Variants in ZNF335 observed in about 807,000 individuals in gnomAD.
ZNF335 encodes NRC-interacting factor 1.
A neutral mutation model predicts 145.6 loss-of-function variants in ZNF335; 84 were observed. The observed-to-expected ratio is 0.58, with a 90% CI of 0.48 to 0.69. The LOEUF (loss-of-function observed/expected upper bound fraction) is 0.69, where lower values mean the gene tolerates loss of function less well. Ranked by LOEUF, ZNF335 falls within the 30% of genes least tolerant of loss-of-function variation. ZNF335 has a pLI of 0.00. For synonymous variants in ZNF335, 761 were observed against 717.0 expected, an observed-to-expected ratio of 1.06 and a Z score of -0.98; for missense variants, 1,865 against 1,809.7, an observed-to-expected ratio of 1.03 and a Z score of -0.55.
Position 45,950,492 on chromosome 20 carries a change from G to C in ZNF335, c.3293C>G (p.Thr1098Arg). 1 of 1,614,232 alleles carries C rather than the reference G, an allele frequency of 6.2e-7. No homozygotes were observed. Residue 1098 changes from threonine (T) to arginine (R), a missense_variant, in exon 21 of 28, where the codon ACA (threonine) becomes AGA (arginine). Transcript: ENST00000322927. ...GTGGCATGCAAAAGGCTTCTCCTTT[G>C]TGTGAGTCAGCATGTGCCGACGCAG... is the stretch of plus-strand genomic sequence containing the variant. Reference protein sequence around the residue: ...KDLRRHMLTHTKEKPFACHLC... With the variant: ...KDLRRHMLTHRKEKPFACHLC...
At chr20:45,969,734 G>T in intron 2 of ZNF335, 43 bp from the exon 3 acceptor site, 1 of 1,599,016 alleles carries the variant, frequency 6.3e-7, no homozygotes, top group Non-Finnish European at 8.5e-7. Context: ...TAGCAGCTGG[G>T]TATGGGGCAG....
intron 20 of ZNF335, among the ~76,000 whole-genome samples, chr20:45,951,541 C>T (rs1256925940): frequency 6.6e-6 from 1 of 152,230 alleles, no homozygotes; most frequent in African/African-American, 2.4e-5. Flanking sequence ...GAAGTTGTTG[C>T]ACCTCAGTTC....
chr20:45,955,801 C>T (rs1366896872), intron 17 of ZNF335, among the ~76,000 whole-genome samples: 1 of 138,660 alleles, frequency 7.2e-6, no homozygotes, highest in East Asian at 2.1e-4. Flanking sequence ...GCCTGGGTGA[C>T]AAAATGAGAC....
chr20:45,954,608 TAA>T (rs904975244), intron 17 of ZNF335, among the ~76,000 whole-genome samples: 2 of 151,966 alleles, frequency 1.3e-5, no homozygotes, highest in Non-Finnish European at 2.9e-5. Flanking sequence ...TCACAACTCA[TAA>T]AAAGTGGACT....
At position 45,960,301 on chromosome 20, in the gene ZNF335, G is replaced by A. The variant is rs757747644; in HGVS notation, c.1927C>T (p.His643Tyr). 7 of 1,614,068 alleles carry A rather than the reference G, an allele frequency of 4.3e-6. No individual in the cohort carries two copies. Among genetic ancestry groups the A allele is most frequent in the Admixed American group, 3.3e-5 (2 of 60,008 alleles). ...CATTTGAAGGGCTTGTCACTGACGT[G>A]GGACAACTGGTGGTTCAGCAGTGCC... ...KKALLNHQLS[H>Y]VSDKPFKCSF... Residue 643 changes from histidine (H) to tyrosine (Y), a missense_variant, in exon 14 of 28, where the codon CAC (histidine) becomes TAC (tyrosine). His to Tyr is a moderately conservative substitution (Grantham distance 83). Transcript: ENST00000322927.
Position 45,963,900 on chromosome 20 carries a change from C to T in ZNF335, c.1193G>A (p.Gly398Glu), listed in dbSNP as rs554438776. Residue 398 changes from glycine to glutamate, a missense_variant, in exon 8 of 28, where the codon GGA (glycine) becomes GAA (glutamate). Physicochemically the swap from Gly to Glu is moderately conservative, Grantham distance 98 (BLOSUM62 -2). Coordinates refer to ENST00000322927, the MANE Select transcript of ZNF335 (RefSeq NM_022095.4). ...DPEAPSSSGPGHLVAMGKVSR... is the reference protein window; with the variant it reads ...DPEAPSSSGPEHLVAMGKVSR... The stretch of plus-strand genomic sequence containing the variant: ...CACCTTGCCCATGGCCACCAGGTGT[C>T]CTGGGCCTGAGGAGCTGGGAGCCTC... 3 of 1,596,380 alleles carry T rather than the reference C, an allele frequency of 1.9e-6. No homozygotes were observed. Among genetic ancestry groups the T allele is most frequent in the Non-Finnish European group, 2.6e-6 (3 of 1,169,608 alleles).
At chr20:45,951,389 T>C (rs1033027674) in intron 20 of ZNF335, among the ~76,000 whole-genome samples, 6 of 152,160 alleles carry the variant, frequency 3.9e-5, no homozygotes, top group African/African-American at 7.2e-5. Flanking sequence ...CCACTCACCT[T>C]CTCCATGGTG....
intron 11 of ZNF335, 46 bp from the exon 12 acceptor site, chr20:45,960,778 G>C (rs755646452): frequency 6.2e-7 from 1 of 1,612,436 alleles, no homozygotes; most frequent in Non-Finnish European, 8.5e-7. Context: ...AAGTGGAGGA[G>C]GGAGGATAAA....
At chr20:45,949,909 T>C in intron 23 of ZNF335, 32 bp from the exon 24 acceptor site, 2 of 1,614,024 alleles carry the variant, frequency 1.2e-6, no homozygotes, top group African/African-American at 2.7e-5. Context: ...TAGCCTCATT[T>C]CTCTACCCCA....
At chr20:45,953,041 G>A (rs553978413) in intron 18 of ZNF335, among the ~76,000 whole-genome samples, 2 of 152,360 alleles carry the variant, frequency 1.3e-5, no homozygotes, top group African/African-American at 4.8e-5. Flanking sequence ...GGAGGAGGCA[G>A]GGCTAACGAG....
Position 45,948,836 on chromosome 20 carries a change from G to A in ZNF335, c.*117C>T, listed in dbSNP as rs904636171. 1.5e-5 allele frequency: 22 copies of A among 1,509,180 alleles called. No homozygotes were observed. In the African/African-American group the frequency reaches 2.3e-4, roughly 16 times the overall value. 93.5% of individuals were successfully genotyped at this position (1,509,180 alleles called of 1,614,324 possible). On this transcript the variant is annotated 3_prime_UTR_variant, in exon 28 of 28. Transcript: ENST00000322927. ...CAGGTCTGGCTCCCTGGGAATGAGA[G>A]GATGCTGGCTATCCAGTATCTGGAG...
chr20:45,971,364 G>C lies in ZNF335; in HGVS notation c.47C>G (p.Pro16Arg), dbSNP rs780195325. 6 of 1,600,516 alleles carry C rather than the reference G, an allele frequency of 3.7e-6. No individual in the cohort carries two copies. In the South Asian group the frequency reaches 6.6e-5, roughly 18 times the overall value. ...VESSSDAAPG[P>R]GRPEEPSESG... ...CTCAGAGGGCTCCTCGGGCCGGCCA[G>C]GCCCAGGGGCCGCGTCGCTGCTGCT... The change falls in exon 2 of 28, where the codon CCT becomes CGT. Residue 16 changes from proline to arginine, a missense_variant. By Grantham distance (103) the Pro-to-Arg change is moderately radical. Coordinates refer to ENST00000322927, the MANE Select transcript of ZNF335 (RefSeq NM_022095.4).
intron 14 of ZNF335, 104 bp downstream of exon 14, chr20:45,960,104 C>T: frequency 7.4e-7 from 1 of 1,348,920 alleles, no homozygotes; most frequent in Non-Finnish European, 1.0e-6. Flanking sequence ...TGTTCTGTGG[C>T]TGGGGCTACC....
At chr20:45,965,298 T>C (rs903225637) in intron 7 of ZNF335, among the ~76,000 whole-genome samples, 1 of 152,040 alleles carries the variant, frequency 6.6e-6, no homozygotes, top group African/African-American at 2.4e-5. Flanking sequence ...CCTCTGATAG[T>C]CCCAGGCCTC....
rs2083979537 is a variant in ZNF335, at chr20:45,967,613, G to C, written c.836C>G (p.Ala279Gly). ...CTTCCGTAGACGTCCTTTTTTACCA[G>C]CTGCTGCTGCGGCTGCTGCTACTGG... Reference protein sequence around the residue: ...FRPVAAAAAAAGKKGRLRKWS... With the variant: ...FRPVAAAAAAGGKKGRLRKWS... Residue 279 changes from alanine (A) to glycine (G), a missense_variant, in exon 6 of 28, where the codon GCT becomes GGT. By Grantham distance (60) the Ala-to-Gly change is moderately conservative. Transcript: ENST00000322927. 1 of 1,613,850 alleles carries C rather than the reference G, an allele frequency of 6.2e-7. No homozygotes were observed. Among genetic ancestry groups the C allele is most frequent in the African/African-American group, 1.3e-5 (1 of 74,886 alleles).
At chr20:45,957,770 G>A (rs926356095) in intron 16 of ZNF335, 65 bp downstream of exon 16, 236 of 1,588,938 alleles carry the variant, frequency 1.5e-4, no homozygotes, top group Non-Finnish European at 1.7e-4. Context: ...CCACCAGCAC[G>A]ACCTGCCCCT....
chr20:45,969,464 G>A lies in ZNF335; in HGVS notation c.429C>T (p.Pro143=), dbSNP rs769199223. The change falls in exon 3 of 28, where the codon CCC becomes CCT. Residue 143 remains proline, a synonymous_variant. Transcript: ENST00000322927. The part of the protein sequence containing the change: ...IDKIIESTIG[P]DLIQNCITVT... ...TGCCTGACTCACTCTGGATGAGGTCGGGCCCGATGGTGGACTCGATGATCT... is the reference window on the plus strand; with the variant it reads ...TGCCTGACTCACTCTGGATGAGGTCAGGCCCGATGGTGGACTCGATGATCT... 4.1e-5 allele frequency: 64 copies of A among 1,545,352 alleles called. No homozygotes were observed. Among genetic ancestry groups the A allele is most frequent in the South Asian group, 1.2e-4 (10 of 82,288 alleles).
chr20:45,950,082 G>A lies in ZNF335; in HGVS notation c.3488-13C>T, dbSNP rs966132762. 5.0e-6 allele frequency: 8 copies of A among 1,612,798 alleles called. No individual in the cohort carries two copies. Among genetic ancestry groups the A allele is most frequent in the African/African-American group, 2.7e-5 (2 of 74,898 alleles). On this transcript the variant is annotated splice_polypyrimidine_tract_variant and intron_variant, in intron 22 of 27. Transcript: ENST00000322927. ...GACTGGAGTGCAGCTGGGCAGAGAGGAGAGGATGCTCACCTGGGGTCCAGG... is the reference window on the plus strand; with the variant it reads ...GACTGGAGTGCAGCTGGGCAGAGAGAAGAGGATGCTCACCTGGGGTCCAGG...
Position 45,953,787 on chromosome 20 carries a change from C to A in ZNF335, c.2604G>T (p.Gln868His), listed in dbSNP as rs2083676284. ...CAAATGGACCAGGTGCCAGGGTGAT[C>A]TGCGGTAGGTCAGGAGGGCCTAGCT... ...ESQLGPPDLPQITLAPGPFGG... is the reference protein window; with the variant it reads ...ESQLGPPDLPHITLAPGPFGG... The change falls in exon 18 of 28, where the codon CAG (glutamine) becomes CAT (histidine). Residue 868 changes from glutamine (Q) to histidine (H), a missense_variant. Transcript: ENST00000322927. 6.2e-7 allele frequency: 1 copy of A among 1,614,196 alleles called. No homozygotes were observed.
Sources: gnomAD v4.1 joint callset for allele counts (sites outside exome capture counted in the v4.1 genomes callset) on GRCh38, gnomAD v4.1.1 for gene constraint, MANE v1.5 for transcripts, NCBI Gene and HGNC (gene_info 2026-07-23, HGNC 2026-07-21) for gene names.